TSPAN18: variants seen among roughly 807,000 people sequenced by gnomAD.
TSPAN18 encodes the protein tetraspanin-18.
A neutral mutation model predicts 27.3 loss-of-function variants in TSPAN18; 14 were observed. The observed-to-expected ratio is 0.51, with a 90% CI of 0.34 to 0.80. The LOEUF (loss-of-function observed/expected upper bound fraction) is 0.80. Among genes scored for constraint, TSPAN18 ranks in the 30% least tolerant of loss-of-function variants. The pLI is 0.01. For missense variants in TSPAN18, 268 were observed against 323.9 expected (o/e 0.83, Z 1.32); for synonymous variants, 143 against 136.5 (o/e 1.05, Z -0.33).
intron 1 of TSPAN18, among the ~76,000 whole-genome samples, chr11:44,739,291 T>G (rs557744781): frequency 6.6e-6 from 1 of 152,302 alleles, no homozygotes; most frequent in South Asian, 2.1e-4. Context: ...TCCGTATCTT[T>G]TTTTTGGATT....
At chr11:44,886,508 C>T (rs1858659011) in intron 3 of TSPAN18, 1 of 152,214 alleles carries the variant, frequency 6.6e-6, no homozygotes, top group African/African-American at 2.4e-5. Context: ...GCTGTGCTGG[C>T]TTTGCTGGAC....
intron 3 of TSPAN18, among the ~76,000 whole-genome samples, chr11:44,871,386 C>T (rs1022816085): frequency 3.3e-5 from 5 of 152,102 alleles, no homozygotes; most frequent in African/African-American, 1.2e-4. Context: ...GGGCTCCATC[C>T]TCATGACCTA....
intron 3 of TSPAN18, among the ~76,000 whole-genome samples, chr11:44,866,590 C>G (rs1411052754): frequency 6.6e-6 from 1 of 152,206 alleles, no homozygotes; most frequent in African/African-American, 2.4e-5. Flanking sequence ...TCTCTGGCAT[C>G]TCAGGATCAC....
chr11:44,897,815 G>A (rs11038189), intron 3 of TSPAN18: 69,020 of 1,289,102 alleles, frequency 0.054, 2,085 homozygotes, highest in Middle Eastern at 0.073. Flanking sequence ...GCTGATGCCC[G>A]AAGAACTGCC....
chr11:44,895,410 G>T (rs1545514), intron 3 of TSPAN18, among the ~76,000 whole-genome samples: 1 of 152,004 alleles, frequency 6.6e-6, no homozygotes, highest in Non-Finnish European at 1.5e-5. Flanking sequence ...CTTGGAGAGG[G>T]GGGTGACTTT....
intron 3 of TSPAN18, 21 bp from the exon 4 acceptor site, chr11:44,906,386 G>A (rs1859453895): frequency 6.2e-7 from 1 of 1,613,568 alleles, no homozygotes; most frequent in Non-Finnish European, 8.5e-7. Context: ...CGGGAAGACT[G>A]AGGTGGCCTT....
At chr11:44,751,540 A>G (rs1238829815) in intron 1 of TSPAN18, among the ~76,000 whole-genome samples, 1 of 152,122 alleles carries the variant, frequency 6.6e-6, no homozygotes, top group East Asian at 1.9e-4. Flanking sequence ...AGTTTGCATT[A>G]CCTGTTACTT....
At chr11:44,751,099 A>C (rs1047236350) in intron 1 of TSPAN18, among the ~76,000 whole-genome samples, 1 of 152,332 alleles carries the variant, frequency 6.6e-6, no homozygotes, top group South Asian at 2.1e-4. Flanking sequence ...GCAGGTAGAG[A>C]TCACCCAAGG....
intron 2 of TSPAN18, among the ~76,000 whole-genome samples, chr11:44,822,796 C>T (rs1276964283): frequency 4.6e-5 from 7 of 152,090 alleles, no homozygotes; most frequent in Non-Finnish European, 1.0e-4. Flanking sequence ...CTTCTGAGGA[C>T]AAATGACATA....
chr11:44,821,826 A>T (rs7106019), intron 2 of TSPAN18, among the ~76,000 whole-genome samples: 2 of 152,308 alleles, frequency 1.3e-5, no homozygotes, highest in African/African-American at 4.8e-5. Flanking sequence ...AAGAGTCACG[A>T]GGAATCAGGT....
chr11:44,748,807 T>G (rs1237293816), intron 1 of TSPAN18, among the ~76,000 whole-genome samples: 4 of 152,022 alleles, frequency 2.6e-5, no homozygotes, highest in Non-Finnish European at 5.9e-5. Context: ...AGACAAAGAT[T>G]TTGCGTTTCC....
chr11:44,849,361 C>G (rs1259167217), intron 2 of TSPAN18, among the ~76,000 whole-genome samples: 1 of 152,160 alleles, frequency 6.6e-6, no homozygotes, highest in Non-Finnish European at 1.5e-5. Flanking sequence ...CTCTGCAAAC[C>G]AGCAAGGGAA....
intron 2 of TSPAN18, among the ~76,000 whole-genome samples, chr11:44,844,787 T>C (rs1857446988): frequency 1.3e-5 from 2 of 152,256 alleles, no homozygotes; most frequent in South Asian, 4.1e-4. Flanking sequence ...TGTTTTGCTT[T>C]CTTACTTTCT....
chr11:44,859,531 G>A (rs1857821882), intron 2 of TSPAN18: 1 of 152,230 alleles, frequency 6.6e-6, no homozygotes, highest in Non-Finnish European at 1.5e-5. Flanking sequence ...TTGTGGCCAA[G>A]GTCCACCTGC....
At chr11:44,830,718 GC>G (rs1159614953) in intron 2 of TSPAN18, among the ~76,000 whole-genome samples, 9 of 152,190 alleles carry the variant, frequency 5.9e-5, no homozygotes, top group Non-Finnish European at 1.3e-4. Flanking sequence ...AAGCAAATCA[GC>G]AGCTCAGGCT....
intron 2 of TSPAN18, among the ~76,000 whole-genome samples, chr11:44,856,523 C>T (rs1249152332): frequency 6.6e-6 from 1 of 152,176 alleles, no homozygotes; most frequent in Non-Finnish European, 1.5e-5. Flanking sequence ...CCTCTGAATT[C>T]ATAATGATAT....
At position 44,790,284 on chromosome 11, in the gene TSPAN18, CGTGTAT is replaced by C. The variant is rs112523873; in HGVS notation, c.-153+25776_-153+25781del. Among the ~76,000 whole-genome samples, 483 of 147,298 alleles carry C rather than the reference CGTGTAT, an allele frequency of 3.3e-3. 2 individuals are homozygous for C. The highest frequency in any genetic ancestry group is 0.012 in the African/African-American group (458 of 39,676). ...GTTTATGTGTATGTGTGCATGTGTTCGTGTATGTGCATGTGTGTGTGCATGTGTTTG... is the reference window on the plus strand; with the variant it reads ...GTTTATGTGTATGTGTGCATGTGTTCGTGCATGTGTGTGTGCATGTGTTTG... On this transcript the variant is annotated intron_variant, in intron 2 of 9. Transcript: ENST00000520358.
intron 2 of TSPAN18, among the ~76,000 whole-genome samples, chr11:44,789,414 G>C (rs1325809864): frequency 1.3e-5 from 2 of 152,164 alleles, no homozygotes; most frequent in African/African-American, 4.8e-5. Flanking sequence ...CAATTTGTCA[G>C]TTCCTTTATG....
At chr11:44,786,623 CTTT>C (rs528871558) in intron 2 of TSPAN18, among the ~76,000 whole-genome samples, 1,330 of 98,214 alleles carry the variant, frequency 0.014, 16 homozygotes, top group Middle Eastern at 0.028. Context: ...TATCCACTTA[CTTT>C]TTTTTTTTTT....
Sources: allele counts gnomAD v4.1 joint callset (sites outside exome capture counted in the v4.1 genomes callset), GRCh38; gene constraint gnomAD v4.1.1; transcripts MANE v1.5; gene names NCBI Gene and HGNC (gene_info 2026-07-23, HGNC 2026-07-21).